ACP3: variants seen among roughly 807,000 people sequenced by gnomAD.
The protein encoded by ACP3 is prostatic acid phosphatase.
In ACP3, 38 loss-of-function variants were observed where a neutral mutation model predicts 45.6. That is an observed-to-expected ratio of 0.83 (90% CI 0.64 to 1.09). The LOEUF (loss-of-function observed/expected upper bound fraction) is 1.09. Ranked by LOEUF, ACP3 falls within the 50% of genes least tolerant of loss-of-function variation. The pLI is 0.00. For missense variants in ACP3, 466 were observed against 463.2 expected, an observed-to-expected ratio of 1.01 and a Z score of -0.05; for synonymous variants, 162 against 164.7, an observed-to-expected ratio of 0.98 and a Z score of 0.13.
At chr3:132,321,257 G>C (rs552230845) in intron 1 of ACP3, among the ~76,000 whole-genome samples, 1 of 151,908 alleles carries the variant, frequency 6.6e-6, no homozygotes, top group South Asian at 2.1e-4. Context: ...CAGAAGGATT[G>C]CTTGAGGCCA....
At chr3:132,350,350 G>T (rs541409304) in intron 8 of ACP3, among the ~76,000 whole-genome samples, 94 of 152,322 alleles carry the variant, frequency 6.2e-4, no homozygotes, top group Middle Eastern at 3.4e-3. Flanking sequence ...CAAAATGAAA[G>T]GGGTTAGTAA....
chr3:132,367,713 TCATC>T lies in ACP3; in HGVS notation c.1149_1152del (p.Ile384LeufsTer7), dbSNP rs766273384. 23 of 1,609,554 alleles carry T rather than the reference TCATC, an allele frequency of 1.4e-5. No homozygotes were observed. The highest frequency in any genetic ancestry group is 3.3e-4 in the Middle Eastern group (2 of 6,076). ...TCCTATTTTCCCACAGTTCTAAAGG[TCATC>T]TTTGCTGTTGCCTTTTGCCTGATAT... On this transcript the variant is annotated frameshift_variant, in exon 11 of 11. Coordinates refer to the ACP3 transcript ENST00000351273. LOFTEE classifies it high-confidence loss of function.
chr3:132,326,385 G>A (rs1053937845), intron 1 of ACP3, among the ~76,000 whole-genome samples: 3 of 152,148 alleles, frequency 2.0e-5, no homozygotes, highest in Admixed American at 6.5e-5. Context: ...GTGGAAAGAG[G>A]CATCAATGAT....
chr3:132,339,825 C>G (rs1374071760), intron 5 of ACP3, among the ~76,000 whole-genome samples: 1 of 152,102 alleles, frequency 6.6e-6, no homozygotes, highest in Admixed American at 6.5e-5. Context: ...ATTTTAACTC[C>G]CTCCCCTCCC....
chr3:132,330,082 C>G (rs972687877), intron 2 of ACP3, among the ~76,000 whole-genome samples: 11 of 151,866 alleles, frequency 7.2e-5, no homozygotes, highest in African/African-American at 2.7e-4. Flanking sequence ...CCACGCCTGG[C>G]TAATTTTTTA....
At chr3:132,362,706 G>C (rs1938064399), downstream of ACP3, among the ~76,000 whole-genome samples, 1 of 152,228 alleles carries the variant, frequency 6.6e-6, no homozygotes, top group Non-Finnish European at 1.5e-5. Context: ...ATGGTACTAA[G>C]CAGGTGAATG....
chr3:132,349,860 A>G (rs1350903915), intron 7 of ACP3, 60 bp from the exon 8 acceptor site: 1 of 1,223,084 alleles, frequency 8.2e-7, no homozygotes, highest in Non-Finnish European at 1.2e-6. Context: ...CAAAAAGCTA[A>G]TGAACTAAAA....
chr3:132,326,110 T>TA (rs1937294101), intron 1 of ACP3, among the ~76,000 whole-genome samples: 1 of 152,134 alleles, frequency 6.6e-6, no homozygotes, highest in Non-Finnish European at 1.5e-5. Context: ...TGGCAGAAAA[T>TA]GTGCCTTTTT....
chr3:132,328,840 G>A (rs1394477574), intron 2 of ACP3, among the ~76,000 whole-genome samples: 1 of 152,214 alleles, frequency 6.6e-6, no homozygotes, highest in East Asian at 1.9e-4. Flanking sequence ...AGAGAGCCAA[G>A]TGGTAATCAT....
chr3:132,348,500 A>C (rs902987729), intron 7 of ACP3, among the ~76,000 whole-genome samples: 1 of 152,194 alleles, frequency 6.6e-6, no homozygotes, highest in Admixed American at 6.5e-5. Context: ...GGGTGTAATC[A>C]TACCAGAACC....
Position 132,357,913 on chromosome 3 carries a change from T to C in ACP3, c.*1035T>C, listed in dbSNP as rs2107819981. The C allele has an allele frequency of 4.8e-6, 1 of 208,550 alleles. No individual in the cohort carries two copies. The highest frequency in any genetic ancestry group is 1.8e-4 in the East Asian group (1 of 5,444). The allele number at this position is 208,550 out of a possible 1,614,324, so 12.9% of individuals were successfully genotyped here. ...AGATGGGCATGGTGGTGTGTGCCTA[T>C]AGTCCCACTACTTGTGGGGCTAAGG... On this transcript the variant is annotated 3_prime_UTR_variant, in exon 10 of 10. Coordinates refer to ENST00000336375, the MANE Select transcript of ACP3 (RefSeq NM_001099.5).
intron 1 of ACP3, among the ~76,000 whole-genome samples, chr3:132,319,746 G>A (rs576338050): frequency 3.3e-5 from 5 of 152,148 alleles, no homozygotes; most frequent in South Asian, 2.1e-4. Flanking sequence ...CTCTGACCCC[G>A]GATGCCTTTC....
At chr3:132,368,061 G>C in exon 11 of ACP3, 1 of 432,800 alleles carries the variant, frequency 2.3e-6, no homozygotes. Flanking sequence ...CAGCTAGAAA[G>C]AGGCTGTTAT....
At position 132,357,317 on chromosome 3, in the gene ACP3, G is replaced by A. The variant is rs147525822; in HGVS notation, c.*439G>A. The A allele has an allele frequency of 5.0e-4, 494 of 986,142 alleles. 2 individuals are homozygous for A. The African/African-American group carries it at 8.2e-3, about 16-fold the overall frequency. The allele number at this position is 986,142 out of a possible 1,614,324, so 61.1% of individuals were successfully genotyped here. On this transcript the variant is annotated 3_prime_UTR_variant, in exon 10 of 10. Coordinates refer to ENST00000336375, the MANE Select transcript of ACP3 (RefSeq NM_001099.5). ...CCCCACAATCTAGGATGGGAACAAG[G>A]AAGGAAAGATGTGAATAGGCTGATG...
At chr3:132,344,543 A>C (rs1937586956) in intron 6 of ACP3, among the ~76,000 whole-genome samples, 1 of 152,174 alleles carries the variant, frequency 6.6e-6, no homozygotes, top group African/African-American at 2.4e-5. Flanking sequence ...GCCTTTCCTA[A>C]CTGGCCTCTC....
intron 8 of ACP3, among the ~76,000 whole-genome samples, chr3:132,352,106 C>G (rs1040747974): frequency 1.6e-4 from 25 of 152,184 alleles, no homozygotes; most frequent in African/African-American, 6.0e-4. Context: ...AGGCTTGATT[C>G]AAATTTACTT....
intron 2 of ACP3, among the ~76,000 whole-genome samples, chr3:132,328,888 A>G (rs914860959): frequency 3.9e-5 from 6 of 152,212 alleles, no homozygotes; most frequent in Non-Finnish European, 7.3e-5. Flanking sequence ...CACATGAGAA[A>G]GTGAAAAATA....
At chr3:132,352,340 G>A (rs977279138) in intron 8 of ACP3, among the ~76,000 whole-genome samples, 2 of 149,138 alleles carry the variant, frequency 1.3e-5, no homozygotes, top group Non-Finnish European at 3.0e-5. Flanking sequence ...TGGATTTACA[G>A]GCCCATGCCA....
At chr3:132,364,868 T>C (rs1226481176) in intron 10 of ACP3, among the ~76,000 whole-genome samples, 1 of 152,222 alleles carries the variant, frequency 6.6e-6, no homozygotes, top group Non-Finnish European at 1.5e-5. Context: ...GAGTCAGCCA[T>C]GAAAATAGAT....
Sources: allele counts gnomAD v4.1 joint callset (sites outside exome capture counted in the v4.1 genomes callset), GRCh38; gene constraint gnomAD v4.1.1; transcripts MANE v1.5; gene names NCBI Gene and HGNC (gene_info 2026-07-23, HGNC 2026-07-21).